The following TLN2 variants were observed in gnomAD, a reference collection of about 807,000 sequenced individuals.
TLN2 encodes the protein talin-2.
Under a neutral mutation model 294.7 loss-of-function variants are expected in TLN2, and 118 were observed. That is an observed-to-expected ratio of 0.40 (90% CI 0.34 to 0.47). The LOEUF (loss-of-function observed/expected upper bound fraction) is 0.47, where lower values mean the gene tolerates loss of function less well. Among genes scored for constraint, TLN2 ranks in the 20% least tolerant of loss-of-function variants. The probability of loss-of-function intolerance (pLI) is 0.84; values close to 1 mark genes in which losing one functional copy is unlikely to be tolerated. For missense variants in TLN2, 3,083 were observed against 3,282.2 expected (o/e 0.94, Z 1.48); for synonymous variants, 1,431 against 1,304.5 (o/e 1.10, Z -2.09).
In TLN2 at chr15:62,840,583, C is replaced by T. The variant is rs1490934497; in HGVS notation, c.7602C>T (p.Pro2534=). The change falls in exon 59 of 59, where the codon CCC becomes CCT. Residue 2534 remains proline (P), a synonymous_variant. Transcript: ENST00000636159. ...QIRQQQYKFL[P]TELREDEG is the part of the protein sequence containing the mutation. The stretch of plus-strand genomic sequence containing the variant: ...GCCAGCAGCAGTATAAGTTTTTACC[C>T]ACCGAGCTGAGGGAAGATGAGGGCT... 1.2e-6 allele frequency: 2 copies of T among 1,614,020 alleles called. No homozygotes were observed. Among genetic ancestry groups the T allele is most frequent in the South Asian group, 1.1e-5 (1 of 91,082 alleles).
chr15:62,631,528 T>G (rs2049849304), intron 3 of TLN2, among the ~76,000 whole-genome samples: 1 of 67,852 alleles, frequency 1.5e-5, no homozygotes, highest in Non-Finnish European at 3.1e-5. Context: ...CTTCCTTTCC[T>G]TTCCTTTCCT....
chr15:62,668,582 G>C (rs989923090), intron 9 of TLN2, among the ~76,000 whole-genome samples: 1 of 152,188 alleles, frequency 6.6e-6, no homozygotes, highest in African/African-American at 2.4e-5. Flanking sequence ...GATGTTGTTT[G>C]CCTACAGGGT....
At chr15:62,450,547 ATGTGTGTGTGTGTGTGTGTGTG>A (rs10591621) in intron 1 of TLN2, among the ~76,000 whole-genome samples, 2 of 136,062 alleles carry the variant, frequency 1.5e-5, no homozygotes, top group Non-Finnish European at 3.1e-5. Flanking sequence ...GTATGTATGT[ATGTGTGTGTGTGTGTGTGTGTG>A]TGTGTCTGTG....
intron 50 of TLN2, 41 bp from the exon 51 acceptor site, chr15:62,805,559 T>TC (rs774294505): frequency 6.5e-7 from 1 of 1,539,490 alleles, no homozygotes; most frequent in South Asian, 1.2e-5. Context: ...TTTTTTCGTT[T>TC]CCTTTTTGAT....
At chr15:62,509,133 G>T (rs77545715) in intron 1 of TLN2, among the ~76,000 whole-genome samples, 8,328 of 152,244 alleles carry the variant, frequency 0.055, 404 homozygotes, top group African/African-American at 0.13. Context: ...CTGGCTCTAG[G>T]ATCTGTGATC....
intron 1 of TLN2, among the ~76,000 whole-genome samples, chr15:62,580,563 A>G (rs1232077010): frequency 6.6e-6 from 1 of 151,936 alleles, no homozygotes; most frequent in Non-Finnish European, 1.5e-5. Flanking sequence ...GGCGCATACC[A>G]CCACACCCAG....
intron 1 of TLN2, among the ~76,000 whole-genome samples, chr15:62,465,912 T>C (rs2037110052): frequency 6.6e-6 from 1 of 152,186 alleles, no homozygotes; most frequent in Non-Finnish European, 1.5e-5. Context: ...GGTTTTAGGA[T>C]TGGAAGGAGT....
chr15:62,621,135 G>C (rs1267256963), intron 3 of TLN2, among the ~76,000 whole-genome samples: 4 of 152,024 alleles, frequency 2.6e-5, no homozygotes, highest in Non-Finnish European at 5.9e-5. Context: ...CACTGTGCCC[G>C]GCCAAAACCT....
chr15:62,411,606 G>C (rs2033784654), intron 1 of TLN2, among the ~76,000 whole-genome samples: 1 of 152,110 alleles, frequency 6.6e-6, no homozygotes, highest in Non-Finnish European at 1.5e-5. Flanking sequence ...TGCCCATTGA[G>C]GTTGAGGTTG....
chr15:62,569,346 C>G (rs970362747), intron 1 of TLN2, among the ~76,000 whole-genome samples: 1 of 152,218 alleles, frequency 6.6e-6, no homozygotes, highest in African/African-American at 2.4e-5. Context: ...GAGGTATGCT[C>G]TCATGGGAAG....
chr15:62,748,540 C>A, intron 33 of TLN2, 96 bp downstream of exon 33: 1 of 1,009,562 alleles, frequency 9.9e-7, no homozygotes, highest in Middle Eastern at 3.0e-4. Context: ...TCTGTTCTTT[C>A]CCTATAGGGC....
intron 1 of TLN2, among the ~76,000 whole-genome samples, chr15:62,569,734 T>C (rs1003515367): frequency 5.3e-5 from 8 of 152,226 alleles, no homozygotes; most frequent in African/African-American, 1.9e-4. Flanking sequence ...GAGAGAAATG[T>C]TGTGATCGTG....
At chr15:62,656,206 C>A in intron 8 of TLN2, 120 bp downstream of exon 8, 2 of 1,296,936 alleles carry the variant, frequency 1.5e-6, no homozygotes, top group Admixed American at 2.2e-5. Context: ...TCGTTTCCAG[C>A]AGGCGCTGCT....
In TLN2 at chr15:62,675,213, G is replaced by T. The variant is rs2141010877; in HGVS notation, c.853-4G>T. On this transcript the variant is annotated splice_region_variant and splice_polypyrimidine_tract_variant and intron_variant, in intron 10 of 58. Transcript: ENST00000636159. ...ACTGGTCCCGACCACTGTCACTTTTGCAGGAGCATAAGAACTGCGGAGAGA... is the reference window on the plus strand; with the variant it reads ...ACTGGTCCCGACCACTGTCACTTTTTCAGGAGCATAAGAACTGCGGAGAGA... 6.2e-7 allele frequency: 1 copy of T among 1,614,094 alleles called. No individual in the cohort carries two copies. The highest frequency in any genetic ancestry group is 8.5e-7 in the Non-Finnish European group (1 of 1,179,974).
intron 40 of TLN2, among the ~76,000 whole-genome samples, chr15:62,765,309 C>T (rs529225408): frequency 1.3e-5 from 2 of 151,706 alleles, no homozygotes; most frequent in Admixed American, 6.6e-5. Context: ...CTCTGTTTCC[C>T]TTTTTCCTTT....
At chr15:62,459,242 C>T (rs2036656331) in intron 1 of TLN2, among the ~76,000 whole-genome samples, 1 of 151,274 alleles carries the variant, frequency 6.6e-6, no homozygotes, top group African/African-American at 2.4e-5. Context: ...CCTCGTGATC[C>T]ACCTACCTTG....
chr15:62,436,569 A>G (rs1316064084), intron 1 of TLN2, among the ~76,000 whole-genome samples: 2 of 152,120 alleles, frequency 1.3e-5, no homozygotes, highest in African/African-American at 4.8e-5. Context: ...AGTGGACAGG[A>G]GCTCAATGTG....
chr15:62,693,951 C>CTTTTTTTTTTTTTTT (rs2058119293), intron 13 of TLN2, among the ~76,000 whole-genome samples: 1 of 118,346 alleles, frequency 8.4e-6, no homozygotes, highest in African/African-American at 3.6e-5. Context: ...TGCTGATTTT[C>CTTTTTTTTTTTTTTT]TTTCTTTTTT....
At chr15:62,572,798 G>A (rs1023323313) in intron 1 of TLN2, among the ~76,000 whole-genome samples, 2 of 96,398 alleles carry the variant, frequency 2.1e-5, no homozygotes, top group Non-Finnish European at 4.4e-5. Flanking sequence ...CCCTGGGTCT[G>A]GAGGCAGGAT....
Sources: allele counts gnomAD v4.1 joint callset (sites outside exome capture counted in the v4.1 genomes callset), GRCh38; gene constraint gnomAD v4.1.1; transcripts MANE v1.5; gene names NCBI Gene and HGNC (gene_info 2026-07-23, HGNC 2026-07-21).